Variants in MED15 observed in about 807,000 individuals in gnomAD.
MED15 encodes mediator of RNA polymerase II transcription subunit 15.
Under a neutral mutation model 118.7 loss-of-function variants are expected in MED15, and 41 were observed. The observed-to-expected ratio is 0.35, with a 90% confidence interval of 0.27 to 0.45. The LOEUF (loss-of-function observed/expected upper bound fraction) is 0.45. Ranked by LOEUF, MED15 falls within the 20% of genes least tolerant of loss-of-function variation. MED15 has a pLI of 1.00. For missense variants in MED15, 740 were observed against 1,025.5 expected (o/e 0.72, Z 3.80); for synonymous variants, 436 against 413.9 (o/e 1.05, Z -0.65).
intron 4 of MED15, 34 bp downstream of exon 4, chr22:20,553,208 C>G: frequency 6.2e-7 from 1 of 1,603,082 alleles, no homozygotes; most frequent in Non-Finnish European, 8.5e-7. Context: ...AAAGTTTCTC[C>G]CAACTTTGGA....
intron 5 of MED15, 54 bp from the exon 6 acceptor site, chr22:20,564,396 G>C: frequency 1.2e-6 from 2 of 1,603,702 alleles, no homozygotes; most frequent in Non-Finnish European, 1.7e-6. Flanking sequence ...CAGCCCTGCA[G>C]CGTTTCTGGG....
At chr22:20,574,661 C>G (rs118162987) in intron 8 of MED15, 1 of 157,538 alleles carries the variant, frequency 6.3e-6, no homozygotes, top group Non-Finnish European at 1.4e-5. Flanking sequence ...TAACTGAGCT[C>G]ATGGTTCAGT....
intron 2 of MED15, among the ~76,000 whole-genome samples, chr22:20,543,596 C>T (rs140000135): frequency 0.036 from 5,473 of 151,278 alleles, 301 homozygotes; most frequent in African/African-American, 0.13. Context: ...CTCACTCTGT[C>T]GCCCAGGCTG....
intron 1 of MED15, among the ~76,000 whole-genome samples, chr22:20,533,610 C>T (rs1028305335): frequency 6.6e-6 from 1 of 152,140 alleles, no homozygotes; most frequent in Non-Finnish European, 1.5e-5. Context: ...TCCTTGGCCC[C>T]ACTCTGACCC....
At chr22:20,586,537 C>G (rs746071861) in intron 17 of MED15, 31 bp from the exon 18 acceptor site, 3 of 1,606,490 alleles carry the variant, frequency 1.9e-6, no homozygotes, top group Non-Finnish European at 2.6e-6. Flanking sequence ...GCGCCGGCCG[C>G]CTTAGGTTCA....
rs768430199 is a variant in MED15 at position 20,555,015 on chromosome 22, G to A, written c.318G>A (p.Pro106=). The A allele has an allele frequency of 2.6e-5, 42 of 1,612,288 alleles. No individual in the cohort carries two copies. The highest frequency in any genetic ancestry group is 1.3e-4 in the East Asian group (6 of 44,882). ...GAATTGGCATGCCTCCTCGGGGCCC[G>A]GGACAGTCTCTGGGCGGGATGGGTA... is the stretch of plus-strand genomic sequence containing the variant. ...AAGIGMPPRG[P]GQSLGGMGSL... Residue 106 remains proline (P), a synonymous_variant, in exon 5 of 18, where the codon CCG becomes CCA. Coordinates refer to ENST00000263205, the MANE Select transcript of MED15 (RefSeq NM_001003891.3).
At chr22:20,532,303 G>T (rs1330020381) in intron 1 of MED15, among the ~76,000 whole-genome samples, 2 of 152,204 alleles carry the variant, frequency 1.3e-5, no homozygotes, top group African/African-American at 4.8e-5. Context: ...GGTGCTGGGA[G>T]ATGAAGACAC....
At chr22:20,513,145 T>C (rs976120248) in intron 1 of MED15, among the ~76,000 whole-genome samples, 8 of 152,112 alleles carry the variant, frequency 5.3e-5, no homozygotes, top group Non-Finnish European at 1.0e-4. Flanking sequence ...TGATCATAGC[T>C]CACTGCAGCC....
chr22:20,515,823 T>G (rs1411013707), intron 1 of MED15, among the ~76,000 whole-genome samples: 1 of 150,334 alleles, frequency 6.7e-6, no homozygotes, highest in African/African-American at 2.4e-5. Context: ...GCCAAGATAA[T>G]AAAACCTCGT....
chr22:20,534,360 GTAAAAAA>G, intron 1 of MED15, among the ~76,000 whole-genome samples: 1 of 151,868 alleles, frequency 6.6e-6, no homozygotes, highest in South Asian at 2.1e-4. Flanking sequence ...TACAAAAAAA[GTAAAAAA>G]TAAAAAAATT....
chr22:20,582,242 C>T (rs986379552), intron 9 of MED15: 2 of 350,662 alleles, frequency 5.7e-6, no homozygotes, highest in African/African-American at 2.2e-5. Context: ...CACAGAGGAG[C>T]ATGTCACAGG....
chr22:20,542,387 C>A (rs1320564525), intron 2 of MED15, among the ~76,000 whole-genome samples: 1 of 152,138 alleles, frequency 6.6e-6, no homozygotes, highest in African/African-American at 2.4e-5. Flanking sequence ...TATCATGTGG[C>A]CACACGAAGC....
intron 2 of MED15, among the ~76,000 whole-genome samples, chr22:20,541,143 G>A (rs569035785): frequency 1.3e-5 from 2 of 152,300 alleles, no homozygotes; most frequent in African/African-American, 2.4e-5. Context: ...GGAGGCTGAG[G>A]CAGGAGAATG....
At chr22:20,560,051 G>C (rs1291232393) in intron 5 of MED15, among the ~76,000 whole-genome samples, 1 of 152,146 alleles carries the variant, frequency 6.6e-6, no homozygotes, top group Non-Finnish European at 1.5e-5. Context: ...GGTGCTGCTG[G>C]TGCGTAATGG....
intron 1 of MED15, among the ~76,000 whole-genome samples, chr22:20,521,357 A>G (rs1031785391): frequency 6.6e-6 from 1 of 150,976 alleles, no homozygotes. Context: ...TCGGCCTCCC[A>G]AAGTGCTGGG....
At chr22:20,566,259 C>T (rs1304053498) in intron 6 of MED15, among the ~76,000 whole-genome samples, 3 of 152,018 alleles carry the variant, frequency 2.0e-5, no homozygotes, top group African/African-American at 7.2e-5. Flanking sequence ...AGGCTGGTCT[C>T]GAACTCCTGA....
chr22:20,584,854 G>C lies in MED15; in HGVS notation c.1804-1G>C. 6.2e-7 allele frequency: 1 copy of C among 1,611,538 alleles called. No homozygotes were observed. The highest frequency in any genetic ancestry group is 8.5e-7 in the Non-Finnish European group (1 of 1,179,920). ...GCTGACCGTGCCCATCCTGTCTCCA[G>C]CCCACTCCCCCACCGCCCCCGGTGC... On this transcript the variant is annotated splice_acceptor_variant, in intron 14 of 17. Coordinates refer to ENST00000263205, the MANE Select transcript of MED15 (RefSeq NM_001003891.3). LOFTEE classifies it high-confidence loss of function.
At chr22:20,532,448 G>A (rs2054897108) in intron 1 of MED15, among the ~76,000 whole-genome samples, 1 of 152,188 alleles carries the variant, frequency 6.6e-6, no homozygotes, top group East Asian at 1.9e-4. Context: ...AGCTCCAAGG[G>A]CCTGTAATGA....
rs361781 is a variant in MED15, at chr22:20,515,463, T to TA, written c.68+7729dup. Among the ~76,000 whole-genome samples, 307 of 149,896 alleles carry TA rather than the reference T, an allele frequency of 2.0e-3. 1 individual carries two copies. The highest frequency in any genetic ancestry group is 7.0e-3 in the African/African-American group (286 of 40,916). ...CTAACACTAATGATAGCTGACGAGCTAAAAAAAAAAAATTGCCAAAAAATC... is the reference window on the plus strand; with the variant it reads ...CTAACACTAATGATAGCTGACGAGCTAAAAAAAAAAAAATTGCCAAAAAATC... On this transcript the variant is annotated intron_variant, in intron 1 of 17. Coordinates refer to ENST00000263205, the MANE Select transcript of MED15 (RefSeq NM_001003891.3).
Sources: gnomAD v4.1 joint callset for allele counts (sites outside exome capture counted in the v4.1 genomes callset) on GRCh38, gnomAD v4.1.1 for gene constraint, MANE v1.5 for transcripts, NCBI Gene and HGNC (gene_info 2026-07-23, HGNC 2026-07-21) for gene names.